DLC1: variants seen among roughly 807,000 people sequenced by gnomAD.
The protein encoded by DLC1 is DLC1 Rho GTPase activating protein, also known as rho GTPase-activating protein 7.
DLC1 carries 54 observed loss-of-function variants against 140.3 expected under a neutral mutation model. That is an observed-to-expected ratio of 0.38 (90% confidence interval 0.31 to 0.48). The LOEUF (loss-of-function observed/expected upper bound fraction) is 0.48, where lower values mean the gene tolerates loss of function less well. Ranked by LOEUF, DLC1 falls within the 20% of genes least tolerant of loss-of-function variation. The pLI, the probability that DLC1 is intolerant of heterozygous loss-of-function variation, is 0.96. For synonymous variants in DLC1, 986 were observed against 728.1 expected, an observed-to-expected ratio of 1.35 and a Z score of -5.70; for missense variants, 2,536 against 1,907.0, an observed-to-expected ratio of 1.33 and a Z score of -6.14.
chr8:13,151,264 C>A (rs1044940846), intron 5 of DLC1, among the ~76,000 whole-genome samples: 1 of 152,158 alleles, frequency 6.6e-6, no homozygotes, highest in Non-Finnish European at 1.5e-5. Context: ...AGTAAAAACA[C>A]CAACAGCGAA....
chr8:13,093,090 G>A (rs969336974), intron 12 of DLC1, among the ~76,000 whole-genome samples: 4 of 151,860 alleles, frequency 2.6e-5, no homozygotes, highest in Admixed American at 6.6e-5. Context: ...CTCAGAGTTC[G>A]GCTCTAGAGG....
At chr8:13,129,947 C>T (rs748791036) in intron 5 of DLC1, among the ~76,000 whole-genome samples, 6 of 152,126 alleles carry the variant, frequency 3.9e-5, no homozygotes, top group Non-Finnish European at 5.9e-5. Context: ...TTCCGTCTTC[C>T]TGTTGCTAGG....
chr8:13,547,727 A>G (rs762042785), intron 1 of DLC1, among the ~76,000 whole-genome samples: 1 of 152,042 alleles, frequency 6.6e-6, no homozygotes, highest in Non-Finnish European at 1.5e-5. Context: ...TTTAACCTCT[A>G]TCTGCACTCA....
chr8:13,185,982 C>G (rs961642846), intron 5 of DLC1, among the ~76,000 whole-genome samples: 4 of 152,196 alleles, frequency 2.6e-5, no homozygotes, highest in South Asian at 2.1e-4. Context: ...GACCCCCACT[C>G]TCTTCTGGCT....
At chr8:13,182,819 C>T (rs1469454600) in intron 5 of DLC1, among the ~76,000 whole-genome samples, 1 of 151,686 alleles carries the variant, frequency 6.6e-6, no homozygotes, top group African/African-American at 2.4e-5. Flanking sequence ...TTTTTGGTTC[C>T]ATGAACTTTA....
intron 5 of DLC1, among the ~76,000 whole-genome samples, chr8:13,255,305 C>G (rs1328668386): frequency 1.3e-5 from 2 of 152,048 alleles, no homozygotes; most frequent in Admixed American, 6.6e-5. Flanking sequence ...TGTTAATTAT[C>G]AAATGGGGAT....
chr8:13,242,287 A>G lies in DLC1; in HGVS notation c.1348+62982T>C, dbSNP rs1452763410. Among the ~76,000 whole-genome samples the G allele has an allele frequency of 2.6e-5, 4 of 151,950 alleles. No individual in the cohort carries two copies. In the South Asian group the frequency reaches 6.2e-4, roughly 24 times the overall value. On this transcript the variant is annotated intron_variant, in intron 5 of 17. Transcript: ENST00000276297. ...AGGTTGATAGGAGGAGTCTATATTT[A>G]TTGTCTGTTGGAAACCATTTCTGAC...
At chr8:13,380,990 C>A (rs532429303) in intron 4 of DLC1, among the ~76,000 whole-genome samples, 1 of 152,260 alleles carries the variant, frequency 6.6e-6, no homozygotes, top group South Asian at 2.1e-4. Context: ...ATGATGCCTG[C>A]CCTCATTTCA....
intron 4 of DLC1, among the ~76,000 whole-genome samples, chr8:13,367,720 TC>T (rs1449133476): frequency 6.6e-6 from 1 of 152,180 alleles, no homozygotes; most frequent in Non-Finnish European, 1.5e-5. Context: ...TTTATTCTTC[TC>T]TTTTGTGTTT....
At chr8:13,348,113 A>G (rs1279343493) in intron 4 of DLC1, among the ~76,000 whole-genome samples, 2 of 151,610 alleles carry the variant, frequency 1.3e-5, no homozygotes, top group African/African-American at 4.8e-5. Flanking sequence ...AAACAAATAA[A>G]CAAACAAACT....
At chr8:13,328,446 C>G (rs1274697774) in intron 4 of DLC1, among the ~76,000 whole-genome samples, 1 of 151,992 alleles carries the variant, frequency 6.6e-6, no homozygotes, top group Non-Finnish European at 1.5e-5. Context: ...AGATTCTTGC[C>G]CTGTGAAGCT....
At chr8:13,389,851 C>T (rs1303896630) in intron 4 of DLC1, among the ~76,000 whole-genome samples, 1 of 152,054 alleles carries the variant, frequency 6.6e-6, no homozygotes, top group African/African-American at 2.4e-5. Flanking sequence ...GGTAGTCGTG[C>T]TGTAATGATT....
Position 13,092,817 on chromosome 8 carries a change from T to C in DLC1, c.3535A>G (p.Lys1179Glu). ...TFLQIYQYVP[K>E]DQRLQAIKAA... Reference sequence around the variant, plus strand: ...TTGATGGCCTGCAGGCGCTGGTCCTTGGGCACATCTGCACGACACCAGCAC... The same window carrying C: ...TTGATGGCCTGCAGGCGCTGGTCCTCGGGCACATCTGCACGACACCAGCAC... Residue 1179 changes from lysine to glutamate, a missense_variant, in exon 13 of 18, where the codon AAG (lysine) becomes GAG (glutamate). Transcript: ENST00000276297. 1.2e-6 allele frequency: 2 copies of C among 1,612,902 alleles called. No individual in the cohort carries two copies. The highest frequency in any genetic ancestry group is 1.1e-5 in the South Asian group (1 of 90,934).
intron 3 of DLC1, among the ~76,000 whole-genome samples, chr8:13,396,295 G>A (rs1222379631): frequency 6.6e-6 from 1 of 152,002 alleles, no homozygotes; most frequent in Non-Finnish European, 1.5e-5. Context: ...TCCTGACCTC[G>A]TGATCCGTCC....
rs560538551 is a variant in DLC1, at chr8:13,121,749, C to T, written c.1349-6092G>A. ...ACTATTTTTTATAGAGACAGAGTCT[C>T]GCTATGTTGCCCAGGCTGATCTCAA... On this transcript the variant is annotated intron_variant, in intron 5 of 17. Transcript: ENST00000276297. Among the ~76,000 whole-genome samples, 9 of 152,144 alleles carry T rather than the reference C, an allele frequency of 5.9e-5. No individual in the cohort carries two copies. The South Asian group carries it at 6.2e-4, about 11-fold the overall frequency.
At chr8:13,545,664 ATGACAAAGTAT>A (rs1803627810) in intron 1 of DLC1, among the ~76,000 whole-genome samples, 1 of 152,154 alleles carries the variant, frequency 6.6e-6, no homozygotes, top group Non-Finnish European at 1.5e-5. Flanking sequence ...GATACTAATA[ATGACAAAGTAT>A]TGAATTTGGA....
intron 5 of DLC1, among the ~76,000 whole-genome samples, chr8:13,227,895 G>A (rs561242902): frequency 6.6e-6 from 1 of 152,094 alleles, no homozygotes; most frequent in Non-Finnish European, 1.5e-5. Context: ...ATGAATCTTG[G>A]TCTGAATATT....
intron 8 of DLC1, among the ~76,000 whole-genome samples, chr8:13,102,483 A>G (rs1417606043): frequency 2.6e-5 from 4 of 152,228 alleles, no homozygotes; most frequent in African/African-American, 9.7e-5. Context: ...GAGCAATGCA[A>G]AAATCCACTG....
intron 5 of DLC1, among the ~76,000 whole-genome samples, chr8:13,207,243 A>G (rs1827710932): frequency 6.6e-6 from 1 of 152,176 alleles, no homozygotes; most frequent in Non-Finnish European, 1.5e-5. Context: ...AAATATAAAA[A>G]TGCAATTTCC....
Sources: gnomAD v4.1 joint callset for allele counts (sites outside exome capture counted in the v4.1 genomes callset) on GRCh38, gnomAD v4.1.1 for gene constraint, MANE v1.5 for transcripts, NCBI Gene and HGNC (gene_info 2026-07-23, HGNC 2026-07-21) for gene names.